TRIM14: variants seen among roughly 807,000 people sequenced by gnomAD.
TRIM14 encodes tripartite motif-containing protein 14.
Under a neutral mutation model 44.5 loss-of-function variants are expected in TRIM14, and 28 were observed. The observed-to-expected ratio is 0.63, with a 90% confidence interval of 0.47 to 0.86. TRIM14 has a LOEUF of 0.86. TRIM14 is among the 40% of genes least tolerant of loss of function. The pLI is 0.00. For missense variants in TRIM14, 607 were observed against 611.1 expected, an observed-to-expected ratio of 0.99 and a Z score of 0.07; for synonymous variants, 299 against 269.2, an observed-to-expected ratio of 1.11 and a Z score of -1.08.
chr9:98,115,627 G>A (rs532057986), intron 1 of TRIM14, among the ~76,000 whole-genome samples: 234 of 151,902 alleles, frequency 1.5e-3, no homozygotes, highest in Non-Finnish European at 2.8e-3. Context: ...CAACTGATCC[G>A]CCCACCACAG....
Position 98,094,850 on chromosome 9 carries a change from GT to G in TRIM14, c.700+16del, listed in dbSNP as rs758210296. 1.6e-5 allele frequency: 26 copies of G among 1,611,086 alleles called. No individual in the cohort carries two copies. Among genetic ancestry groups the G allele is most frequent in the Non-Finnish European group, 2.0e-5 (24 of 1,178,122 alleles). Reference sequence around the variant, plus strand: ...TAGGGGAGTTAAGGACACAAAGTTGGTCACTCGGCGACTTACTTTCCTTAAG... The same window carrying G: ...TAGGGGAGTTAAGGACACAAAGTTGGCACTCGGCGACTTACTTTCCTTAAG... On this transcript the variant is annotated intron_variant, in intron 4 of 5. Coordinates refer to ENST00000341469, the MANE Select transcript of TRIM14 (RefSeq NM_014788.4).
the TRIM14 span, among the ~76,000 whole-genome samples, chr9:98,046,948 G>A: frequency 6.6e-6 from 1 of 152,142 alleles, no homozygotes. Context: ...AAGGGCTGAT[G>A]GGACAGCTGG....
At chr9:98,105,757 G>A (rs1463900096) in intron 2 of TRIM14, among the ~76,000 whole-genome samples, 1 of 152,164 alleles carries the variant, frequency 6.6e-6, no homozygotes, top group East Asian at 1.9e-4. Flanking sequence ...GCCATCCAGG[G>A]GGAGCACAGA....
intron 3 of TRIM14, among the ~76,000 whole-genome samples, chr9:98,098,180 T>C (rs1826252570): frequency 6.6e-6 from 1 of 152,236 alleles, no homozygotes; most frequent in Non-Finnish European, 1.5e-5. Flanking sequence ...GTGAAGGTCC[T>C]CTAATAAGGC....
At chr9:98,060,352 T>C in the TRIM14 span, among the ~76,000 whole-genome samples, 1 of 152,212 alleles carries the variant, frequency 6.6e-6, no homozygotes, top group East Asian at 1.9e-4. Flanking sequence ...TTAAGGTCTC[T>C]GTCAGTCTAT....
the TRIM14 span, among the ~76,000 whole-genome samples, chr9:98,057,922 GTTTTT>G: frequency 3.8e-5 from 3 of 78,090 alleles, no homozygotes; most frequent in African/African-American, 1.6e-4. Flanking sequence ...TTTTTTCCTG[GTTTTT>G]TTTTTTTTTT....
At chr9:98,049,524 G>C in the TRIM14 span, among the ~76,000 whole-genome samples, 1 of 152,024 alleles carries the variant, frequency 6.6e-6, no homozygotes, top group African/African-American at 2.4e-5. Context: ...CCCCCTTTTA[G>C]ACCATATGGG....
At chr9:98,044,005 CT>C in the TRIM14 span, among the ~76,000 whole-genome samples, 3,137 of 131,226 alleles carry the variant, frequency 0.024, 53 homozygotes, top group African/African-American at 0.062. Flanking sequence ...TATTTGTTTC[CT>C]TTTTTTTTTT....
downstream of TRIM14, among the ~76,000 whole-genome samples, chr9:98,080,490 T>A (rs1385741299): frequency 6.6e-6 from 1 of 152,278 alleles, no homozygotes; most frequent in Non-Finnish European, 1.5e-5. Context: ...GGTTTTTGAA[T>A]GAGGTTAGAC....
the TRIM14 span, among the ~76,000 whole-genome samples, chr9:98,040,415 G>A: frequency 6.6e-6 from 1 of 151,746 alleles, no homozygotes; most frequent in Non-Finnish European, 1.5e-5. Context: ...TTGATGTTGT[G>A]GGCCTCGCCT....
chr9:98,072,504 C>A (rs1456475323), intron 6 of TRIM14, among the ~76,000 whole-genome samples: 1 of 151,768 alleles, frequency 6.6e-6, no homozygotes, highest in Admixed American at 6.6e-5. Context: ...CTCCACCTCA[C>A]GGGTTCAAGC....
At chr9:98,098,254 T>C (rs1379637306) in intron 3 of TRIM14, among the ~76,000 whole-genome samples, 1 of 152,226 alleles carries the variant, frequency 6.6e-6, no homozygotes, top group East Asian at 1.9e-4. Flanking sequence ...GTGTTTGCCA[T>C]GAAGCCTTAG....
intron 2 of TRIM14, among the ~76,000 whole-genome samples, chr9:98,102,730 T>C (rs1826446434): frequency 6.6e-6 from 1 of 152,096 alleles, no homozygotes; most frequent in Non-Finnish European, 1.5e-5. Context: ...CTGTTTGGGA[T>C]AATGAAAAAG....
downstream of TRIM14, among the ~76,000 whole-genome samples, chr9:98,064,280 G>A (rs573144586): frequency 2.0e-5 from 3 of 151,770 alleles, no homozygotes; most frequent in African/African-American, 4.8e-5. Flanking sequence ...TAAAGACGGA[G>A]TCTTGGTCTG....
downstream of TRIM14, among the ~76,000 whole-genome samples, chr9:98,068,650 T>TAAA (rs55679709): frequency 6.3e-5 from 8 of 127,678 alleles, no homozygotes; most frequent in African/African-American, 2.0e-4. Flanking sequence ...CCCCATCTAT[T>TAAA]AAAAAAAAAA....
chr9:98,082,965 A>G, downstream of TRIM14: 1 of 1,614,226 alleles, frequency 6.2e-7, no homozygotes, highest in Non-Finnish European at 8.5e-7. Context: ...TCTTTAATCT[A>G]GTGGGCAAGA....
chr9:98,080,619 C>T (rs1429226360), downstream of TRIM14, among the ~76,000 whole-genome samples: 1 of 152,192 alleles, frequency 6.6e-6, no homozygotes, highest in African/African-American at 2.4e-5. Context: ...CTGAGTGCTT[C>T]TCATGCATTT....
intron 6 of TRIM14, chr9:98,076,628 G>T: frequency 2.9e-6 from 1 of 340,730 alleles, no homozygotes; most frequent in Non-Finnish European, 5.3e-6. Context: ...GCCCGCCTCG[G>T]CCTCCCAAAG....
chr9:98,117,644 T>C (rs538693530), intron 1 of TRIM14, among the ~76,000 whole-genome samples: 1 of 152,210 alleles, frequency 6.6e-6, no homozygotes, highest in Non-Finnish European at 1.5e-5. Flanking sequence ...AGGAACTGCT[T>C]CTTCTTTTTT....
Sources: allele counts gnomAD v4.1 joint callset (sites outside exome capture counted in the v4.1 genomes callset), GRCh38; gene constraint gnomAD v4.1.1; transcripts MANE v1.5; gene names NCBI Gene and HGNC (gene_info 2026-07-23, HGNC 2026-07-21).